Variants in SRGAP2C observed in about 807,000 individuals in gnomAD.
SRGAP2C encodes the protein SLIT-ROBO Rho GTPase-activating protein 2C.
A neutral mutation model predicts 25.1 loss-of-function variants in SRGAP2C; 15 were observed. The observed-to-expected ratio is 0.60, with a 90% CI of 0.40 to 0.92. The LOEUF (loss-of-function observed/expected upper bound fraction) is 0.92, where lower values mean the gene tolerates loss of function less well. Among genes scored for constraint, SRGAP2C ranks in the 40% least tolerant of loss-of-function variants. The pLI is 0.00. For missense variants in SRGAP2C, 144 were observed against 264.4 expected (o/e 0.54, Z 3.16); for synonymous variants, 44 against 96.6 (o/e 0.46, Z 3.19).
chr1:121,298,460 C>A (rs1657642057), intron 3 of SRGAP2C, among the ~76,000 whole-genome samples: 1 of 100,634 alleles, frequency 9.9e-6, no homozygotes, highest in East Asian at 3.0e-4. Context: ...CAGGCCAGTG[C>A]AGTACAAACC....
chr1:121,356,981 C>A (rs1553347745), intron 4 of SRGAP2C, among the ~76,000 whole-genome samples: 1 of 150,702 alleles, frequency 6.6e-6, no homozygotes, highest in African/African-American at 2.4e-5. Context: ...CTGACCCCAC[C>A]CTGAACTCCC....
rs587759693 is a variant in SRGAP2C, at chr1:121,230,598, C to T, written c.67+43085C>T. On this transcript the variant is annotated intron_variant, in intron 2 of 9. Transcript: ENST00000367123. ...GTCCTGTCTCAGGGCCCTGCTGTTC[C>T]CTCTGCCTGGAACATTCTTCCCATA... Among the ~76,000 whole-genome samples, 9 of 148,430 alleles carry T rather than the reference C, an allele frequency of 6.1e-5. No individual in the cohort carries two copies. In the South Asian group the frequency reaches 2.0e-3, roughly 32 times the overall value.
chr1:121,275,644 T>C (rs1305945679), intron 2 of SRGAP2C, among the ~76,000 whole-genome samples: 1 of 150,968 alleles, frequency 6.6e-6, no homozygotes, highest in Non-Finnish European at 1.5e-5. Context: ...GTCACGATGA[T>C]ATTGAAATAT....
rs1656057976 is a variant in SRGAP2C, at chr1:121,239,248, ATATATATATATATATATAC to A, written c.68-45540_68-45522del. Among the ~76,000 whole-genome samples the A allele has an allele frequency of 3.2e-3, 6 of 1,860 alleles. 1 individual carries two copies. Among genetic ancestry groups the A allele is most frequent in the South Asian group, 0.024 (2 of 82 alleles). 1.2% of individuals were successfully genotyped at this position (1,860 alleles called of 152,430 possible). A position where few individuals can be genotyped will look rare whatever the true frequency, so the allele number is the denominator to read the frequency against. On this transcript the variant is annotated intron_variant, in intron 2 of 9. Transcript: ENST00000367123. ...TATATACTATATATATATATATACT[ATATATATATATATATATAC>A]TATATATATATATACTATATATATA...
chr1:121,263,336 A>G (rs1216553644), intron 2 of SRGAP2C, among the ~76,000 whole-genome samples: 1 of 151,020 alleles, frequency 6.6e-6, no homozygotes, highest in African/African-American at 2.4e-5. Context: ...AAAACAAACA[A>G]ACAAAAAAAA....
At chr1:121,308,939 CAAAAAA>C (rs1282103321) in intron 3 of SRGAP2C, among the ~76,000 whole-genome samples, 2 of 30,694 alleles carry the variant, frequency 6.5e-5, no homozygotes. Flanking sequence ...AACTCTGTCT[CAAAAAA>C]AAAAAAAAAA....
intron 5 of SRGAP2C, among the ~76,000 whole-genome samples, chr1:121,366,857 C>T (rs1553349596): frequency 1.3e-5 from 2 of 149,016 alleles, no homozygotes; most frequent in African/African-American, 5.0e-5. Flanking sequence ...TTCAGTGGGA[C>T]TCAAGGCAGC....
In SRGAP2C at chr1:121,331,467, AG is replaced by A. The variant is rs1191106633; in HGVS notation, c.423+6829del. 2.7e-3 allele frequency among the ~76,000 whole-genome samples: 74 copies of A among 27,626 alleles called. 1 individual carries two copies. The highest frequency in any genetic ancestry group is 0.011 in the African/African-American group (67 of 5,976). The allele number at this position is 27,626 out of a possible 152,430, so 18.1% of individuals were successfully genotyped here. ...TGAATACAGCTCTAGATGCTGGAAA[AG>A]GCAAGGAAACGGATTCTTCCTGAGA... is the stretch of plus-strand genomic sequence containing the variant. On this transcript the variant is annotated intron_variant, in intron 4 of 9. Transcript: ENST00000367123.
At chr1:121,281,148 T>TAGGAGTAGC (rs1189764045) in intron 2 of SRGAP2C, among the ~76,000 whole-genome samples, 1 of 151,714 alleles carries the variant, frequency 6.6e-6, no homozygotes, top group African/African-American at 2.4e-5. Context: ...TTTGTCTTTG[T>TAGGAGTAGC]AGGAGTAGCA....
chr1:121,261,092 CTATTT>C (rs1453847969), intron 2 of SRGAP2C, among the ~76,000 whole-genome samples: 12 of 23,488 alleles, frequency 5.1e-4, no homozygotes, highest in African/African-American at 1.5e-3. Flanking sequence ...CCACACCTGG[CTATTT>C]TTTTTTTTTT....
chr1:121,291,141 G>A (rs1305804953), intron 3 of SRGAP2C, among the ~76,000 whole-genome samples: 1 of 129,574 alleles, frequency 7.7e-6, no homozygotes, highest in Non-Finnish European at 1.7e-5. Flanking sequence ...GGAGTGGAAA[G>A]GAAGTAGGAA....
chr1:121,303,489 G>A (rs1173955451), intron 3 of SRGAP2C, among the ~76,000 whole-genome samples: 89 of 152,168 alleles, frequency 5.8e-4, no homozygotes, highest in African/African-American at 2.0e-3. Flanking sequence ...GGCTTAACTT[G>A]TACTTTCCTT....
chr1:121,308,556 G>T (rs1266823650), intron 3 of SRGAP2C, among the ~76,000 whole-genome samples: 2 of 150,424 alleles, frequency 1.3e-5, no homozygotes, highest in Non-Finnish European at 3.0e-5. Context: ...TGGGAGGATT[G>T]CTTGAGCCCA....
intron 2 of SRGAP2C, among the ~76,000 whole-genome samples, chr1:121,255,634 A>G (rs1553332215): frequency 6.7e-6 from 1 of 149,632 alleles, no homozygotes; most frequent in East Asian, 2.0e-4. Flanking sequence ...CCTAACTAAC[A>G]TGGTGAAACC....
At chr1:121,202,337 C>T (rs1419740580) in intron 2 of SRGAP2C, among the ~76,000 whole-genome samples, 1 of 152,096 alleles carries the variant, frequency 6.6e-6, no homozygotes, top group Non-Finnish European at 1.5e-5. Context: ...CCCCTCCTCA[C>T]TTCCTCCAGT....
intron 7 of SRGAP2C, among the ~76,000 whole-genome samples, chr1:121,379,348 A>G (rs1206676131): frequency 6.6e-6 from 1 of 150,470 alleles, no homozygotes; most frequent in African/African-American, 2.5e-5. Context: ...CTTCTTACAA[A>G]AATTTGATTT....
intron 8 of SRGAP2C, among the ~76,000 whole-genome samples, chr1:121,384,742 CCT>C (rs770113739): frequency 2.6e-4 from 39 of 149,972 alleles, no homozygotes; most frequent in Non-Finnish European, 4.6e-4. Context: ...CCCTTCTCCC[CCT>C]GTCAGAGCCT....
At chr1:121,354,386 CT>C (rs1350271662) in intron 4 of SRGAP2C, among the ~76,000 whole-genome samples, 2 of 37,714 alleles carry the variant, frequency 5.3e-5, no homozygotes, top group Non-Finnish European at 8.6e-5. Context: ...TCTTTCTGTC[CT>C]TTTTTTTTCT....
At chr1:121,359,739 C>A (rs1182596254) in intron 4 of SRGAP2C, among the ~76,000 whole-genome samples, 6 of 152,134 alleles carry the variant, frequency 3.9e-5, no homozygotes, top group African/African-American at 1.4e-4. Context: ...CAGGCCACTG[C>A]ATTCTAGCCT....
Sources: gnomAD v4.1 joint callset for allele counts (sites outside exome capture counted in the v4.1 genomes callset) on GRCh38, gnomAD v4.1.1 for gene constraint, MANE v1.5 for transcripts, NCBI Gene and HGNC (gene_info 2026-07-23, HGNC 2026-07-21) for gene names.